GALNT14: variants seen among roughly 807,000 people sequenced by gnomAD.
GALNT14 encodes UDP-GalNAc:polypeptide N-acetylgalactosaminyltransferase 14.
In GALNT14, 60 loss-of-function variants were observed where a neutral mutation model predicts 77.5. The observed-to-expected ratio is 0.77, with a 90% confidence interval of 0.63 to 0.96. The LOEUF (loss-of-function observed/expected upper bound fraction) is 0.96, where lower values mean the gene tolerates loss of function less well. Among genes scored for constraint, GALNT14 ranks in the 40% least tolerant of loss-of-function variants. The pLI, the probability that GALNT14 is intolerant of heterozygous loss-of-function variation, is 0.00. For missense variants in GALNT14, 710 were observed against 731.0 expected, an observed-to-expected ratio of 0.97 and a Z score of 0.33; for synonymous variants, 280 against 281.7, an observed-to-expected ratio of 0.99 and a Z score of 0.06.
At position 30,955,721 on chromosome 2, in the gene GALNT14, A is replaced by C. The variant is rs781070541; in HGVS notation, c.551T>G (p.Ile184Ser). 64 of 1,614,028 alleles carry C rather than the reference A, an allele frequency of 4.0e-5. No homozygotes were observed. Among genetic ancestry groups the C allele is most frequent in the Admixed American group, 1.3e-4 (8 of 60,010 alleles). Residue 184 changes from isoleucine (I) to serine (S), a missense_variant, in exon 6 of 15, where the codon ATT (isoleucine) becomes AGT (serine). Physicochemically the swap from Ile to Ser is moderately radical, Grantham distance 142 (BLOSUM62 -2). Coordinates refer to ENST00000349752, the MANE Select transcript of GALNT14 (RefSeq NM_024572.4). ...NERQGLVRSR[I>S]RGADIAQGTT... is the part of the protein sequence containing the mutation. ...GCCCTGGGCGATGTCAGCGCCCCGA[A>C]TCCGGGACCGGACCAGACCTGCAGT...
intron 1 of GALNT14, among the ~76,000 whole-genome samples, chr2:30,999,412 A>G (rs778408180): frequency 6.6e-6 from 1 of 152,194 alleles, no homozygotes; most frequent in Non-Finnish European, 1.5e-5. Context: ...TCAAATATTT[A>G]GTGGCAGCTA....
At chr2:30,951,349 G>A (rs896395291) in intron 6 of GALNT14, among the ~76,000 whole-genome samples, 2 of 152,172 alleles carry the variant, frequency 1.3e-5, no homozygotes, top group African/African-American at 4.8e-5. Context: ...GCCACATGTT[G>A]TGTGATTCCG....
intron 1 of GALNT14, among the ~76,000 whole-genome samples, chr2:31,040,079 T>C (rs1348440416): frequency 6.6e-6 from 1 of 152,242 alleles, no homozygotes; most frequent in African/African-American, 2.4e-5. Context: ...AACCCAAAAC[T>C]ATCCACACTT....
At chr2:30,911,284 T>C (rs115084588) in intron 14 of GALNT14, among the ~76,000 whole-genome samples, 609 of 152,286 alleles carry the variant, frequency 4.0e-3, no homozygotes, top group Non-Finnish European at 6.4e-3. Flanking sequence ...ATATGTTTAC[T>C]AGGAAAACTC....
At chr2:30,912,558 G>A (rs1240277341) in intron 13 of GALNT14, among the ~76,000 whole-genome samples, 2 of 152,216 alleles carry the variant, frequency 1.3e-5, no homozygotes, top group African/African-American at 4.8e-5. Flanking sequence ...CCCCATGAAG[G>A]GGCCTGGGCC....
At chr2:31,104,052 G>A (rs1040225300) in intron 1 of GALNT14, among the ~76,000 whole-genome samples, 4 of 152,152 alleles carry the variant, frequency 2.6e-5, no homozygotes, top group African/African-American at 9.7e-5. Context: ...TCTTGTAGAT[G>A]TTGTTTCGCT....
chr2:31,079,408 T>C (rs569864092), intron 1 of GALNT14, among the ~76,000 whole-genome samples: 4 of 152,242 alleles, frequency 2.6e-5, no homozygotes. Flanking sequence ...ACTCCTTACC[T>C]CTGAGGAAGA....
rs556674776 is a variant in GALNT14, at chr2:31,064,843, C to G, written c.130-71836G>C. ...GTAAGTATATTTTAAAACTACATAG[C>G]CAGGTCTTCTCCTGGGAATAACTTT... is the stretch of plus-strand genomic sequence containing the variant. On this transcript the variant is annotated intron_variant, in intron 1 of 14. Coordinates refer to ENST00000349752, the MANE Select transcript of GALNT14 (RefSeq NM_024572.4). 3.3e-5 allele frequency among the ~76,000 whole-genome samples: 5 copies of G among 151,998 alleles called. 1 individual carries two copies. The South Asian group carries it at 1.0e-3, about 32-fold the overall frequency.
intron 1 of GALNT14, among the ~76,000 whole-genome samples, chr2:31,016,671 GC>G (rs1347976835): frequency 5.3e-5 from 8 of 152,132 alleles, no homozygotes; most frequent in Non-Finnish European, 1.0e-4. Flanking sequence ...ACTCCAGGGA[GC>G]AACTGGTGCC....
chr2:31,087,227 C>T (rs1364108900), intron 1 of GALNT14, among the ~76,000 whole-genome samples: 1 of 152,040 alleles, frequency 6.6e-6, no homozygotes, highest in Non-Finnish European at 1.5e-5. Context: ...ACCTTTGTGG[C>T]TGAGGATGAA....
intron 4 of GALNT14, among the ~76,000 whole-genome samples, chr2:30,957,555 A>G (rs1375718537): frequency 6.6e-6 from 1 of 152,084 alleles, no homozygotes; most frequent in Non-Finnish European, 1.5e-5. Flanking sequence ...TCTTGATCTC[A>G]TTACTCTAGG....
At chr2:31,063,617 G>A (rs560932194) in intron 1 of GALNT14, among the ~76,000 whole-genome samples, 18 of 152,180 alleles carry the variant, frequency 1.2e-4, no homozygotes, top group Non-Finnish European at 2.4e-4. Context: ...GTAGCTTGAT[G>A]GGAATTGCAT....
rs1230908926 is a variant in GALNT14 at position 30,910,804 on chromosome 2, T to C, written c.*97A>G. On this transcript the variant is annotated 3_prime_UTR_variant, in exon 15 of 15. Coordinates refer to ENST00000349752, the MANE Select transcript of GALNT14 (RefSeq NM_024572.4). Reference sequence around the variant, plus strand: ...TGCCTCCACCTCCCAGTCCAGGATGTCTGAGGTGGTTGCAGGCTGCTTGCT... The same window carrying C: ...TGCCTCCACCTCCCAGTCCAGGATGCCTGAGGTGGTTGCAGGCTGCTTGCT... The C allele has an allele frequency of 7.4e-7, 1 of 1,353,944 alleles. No individual in the cohort carries two copies. Among genetic ancestry groups the C allele is most frequent in the Non-Finnish European group, 1.0e-6 (1 of 981,930 alleles). 83.9% of individuals were successfully genotyped at this position (1,353,944 alleles called of 1,614,324 possible).
At chr2:30,896,133 T>C in the GALNT14 span, among the ~76,000 whole-genome samples, 1 of 152,190 alleles carries the variant, frequency 6.6e-6, no homozygotes. Context: ...AAACATAGCA[T>C]TGGCATGTAA....
At chr2:31,110,540 G>C (rs113744142) in intron 1 of GALNT14, among the ~76,000 whole-genome samples, 1 of 152,182 alleles carries the variant, frequency 6.6e-6, no homozygotes, top group Non-Finnish European at 1.5e-5. Context: ...CAGCCACTTA[G>C]AGCACTAGGG....
rs974563788 is a variant in GALNT14 at position 31,059,465 on chromosome 2, C to A, written c.130-66458G>T. 2.0e-5 allele frequency among the ~76,000 whole-genome samples: 3 copies of A among 152,104 alleles called. No homozygotes were observed. The East Asian group carries it at 5.8e-4, about 29-fold the overall frequency. On this transcript the variant is annotated intron_variant, in intron 1 of 14. Transcript: ENST00000349752. ...TAAAATTCATATATAGAAATCCTAACCCCCAAAGAGATGGTACGAGGAGGT... is the reference window on the plus strand; with the variant it reads ...TAAAATTCATATATAGAAATCCTAAACCCCAAAGAGATGGTACGAGGAGGT...
At chr2:31,041,176 T>C (rs1239451288) in intron 1 of GALNT14, among the ~76,000 whole-genome samples, 2 of 152,256 alleles carry the variant, frequency 1.3e-5, no homozygotes, top group East Asian at 1.9e-4. Context: ...AAGCACTCAC[T>C]GCAGATGCTA....
intron 1 of GALNT14, among the ~76,000 whole-genome samples, chr2:31,027,407 A>G (rs1672131371): frequency 6.6e-6 from 1 of 150,758 alleles, no homozygotes; most frequent in African/African-American, 2.5e-5. Flanking sequence ...ACAAGAGCAA[A>G]ACTCCAACTC....
At chr2:30,912,688 G>A (rs1558396601) in intron 13 of GALNT14, among the ~76,000 whole-genome samples, 2 of 152,160 alleles carry the variant, frequency 1.3e-5, no homozygotes, top group South Asian at 2.1e-4. Flanking sequence ...AACATCTCGA[G>A]GGGGTCTGTT....
Sources: gnomAD v4.1 joint callset for allele counts (sites outside exome capture counted in the v4.1 genomes callset) on GRCh38, gnomAD v4.1.1 for gene constraint, MANE v1.5 for transcripts, NCBI Gene and HGNC (gene_info 2026-07-23, HGNC 2026-07-21) for gene names.